The following GYG2 variants were observed in gnomAD, a reference collection of about 807,000 sequenced individuals.
The protein encoded by GYG2 is glycogenin-2.
Under a neutral mutation model 29.4 loss-of-function variants are expected in GYG2, and 29 were observed. The ratio of observed to expected loss-of-function variants is 0.99; its 90% CI spans 0.74 to 1.35. GYG2 has a LOEUF of 1.35. Among genes scored for constraint, GYG2 ranks in the 40% most tolerant of loss-of-function variants. The pLI is 0.00. For synonymous variants in GYG2, 167 were observed against 172.3 expected (o/e 0.97, Z 0.24); for missense variants, 370 against 385.7 (o/e 0.96, Z 0.34).
At chrX:2,847,321 A>G (rs62582316) in intron 3 of GYG2, among the ~76,000 whole-genome samples, 22,060 of 109,854 alleles carry the variant, frequency 0.2, 1,840 homozygotes, top group African/African-American at 0.31. Context: ...ACCTATTAAT[A>G]TCATTCAACA....
At chrX:2,866,497 T>C (rs756366451) in intron 8 of GYG2, among the ~76,000 whole-genome samples, 1 of 110,550 alleles carries the variant, frequency 9.0e-6, no homozygotes, top group Admixed American at 9.6e-5. Flanking sequence ...CCTGTCTCAG[T>C]AGAAGAGAGT....
At chrX:2,839,089 C>T (rs2087441842) in intron 2 of GYG2, among the ~76,000 whole-genome samples, 1 of 112,474 alleles carries the variant, frequency 8.9e-6, no homozygotes, top group Admixed American at 9.5e-5. Flanking sequence ...GCTGTACCCA[C>T]TTGCCGACTC....
At chrX:2,862,241 C>T (rs1031426143) in intron 8 of GYG2, among the ~76,000 whole-genome samples, 8 of 111,076 alleles carry the variant, frequency 7.2e-5, no homozygotes, top group African/African-American at 2.3e-4. Context: ...AATGGATTCT[C>T]CCCTAGGTCC....
At chrX:2,836,673 CAAAAA>C (rs571518086) in intron 2 of GYG2, among the ~76,000 whole-genome samples, 4 of 47,873 alleles carry the variant, frequency 8.4e-5, no homozygotes, top group Admixed American at 2.7e-4. Context: ...AAGACCCTGT[CAAAAA>C]AAAAAAAAAA....
intron 2 of GYG2, among the ~76,000 whole-genome samples, chrX:2,841,337 T>C: frequency 9.3e-6 from 1 of 107,690 alleles, no homozygotes; most frequent in Non-Finnish European, 1.9e-5. Context: ...GATAGATAGG[T>C]AGATGGATAA....
At chrX:2,870,323 T>C (rs910714602) in intron 8 of GYG2, among the ~76,000 whole-genome samples, 20 of 110,696 alleles carry the variant, frequency 1.8e-4, no homozygotes, top group Non-Finnish European at 3.4e-4. Flanking sequence ...TGCCTCAGCC[T>C]CCCAACTAGC....
At chrX:2,864,356 G>A (rs1160308126) in intron 8 of GYG2, among the ~76,000 whole-genome samples, 1 of 106,952 alleles carries the variant, frequency 9.3e-6, no homozygotes, top group Non-Finnish European at 1.9e-5. Flanking sequence ...GGGCTTCCAG[G>A]TCATAAGTAG....
chrX:2,855,231 C>T (rs2087957910), intron 5 of GYG2, 76 bp downstream of exon 5: 7 of 911,417 alleles, frequency 7.7e-6, no homozygotes, highest in Admixed American at 2.5e-5. Context: ...CGAAGTCAGC[C>T]GTTGACCATA....
chrX:2,848,000 T>C (rs112376391), intron 3 of GYG2, among the ~76,000 whole-genome samples: 1 of 111,955 alleles, frequency 8.9e-6, no homozygotes, highest in Admixed American at 9.5e-5. Flanking sequence ...TTTGTTCATC[T>C]GAAAGCTGGA....
chrX:2,841,795 T>C (rs1460865048), intron 2 of GYG2, among the ~76,000 whole-genome samples: 1 of 111,967 alleles, frequency 8.9e-6, no homozygotes, highest in African/African-American at 3.2e-5. Context: ...TTAATTTCCA[T>C]AGACAGTACA....
chrX:2,834,952 T>C (rs9988291), intron 2 of GYG2, among the ~76,000 whole-genome samples: 3,487 of 111,373 alleles, frequency 0.031, 147 homozygotes, highest in African/African-American at 0.11. Flanking sequence ...GTGACACAGC[T>C]TCAGGAGGTC....
intron 4 of GYG2, among the ~76,000 whole-genome samples, 195 bp from the exon 5 acceptor site, chrX:2,854,798 A>G (rs2087942348): frequency 9.0e-6 from 1 of 111,673 alleles, no homozygotes; most frequent in Non-Finnish European, 1.9e-5. Context: ...CAGGCATGGT[A>G]ACAGGTGCCT....
At chrX:2,868,492 C>T (rs956236523) in intron 8 of GYG2, among the ~76,000 whole-genome samples, 2 of 108,402 alleles carry the variant, frequency 1.8e-5, no homozygotes, top group Non-Finnish European at 3.8e-5. Flanking sequence ...TTTTGGAGTT[C>T]CTGTGTCCAC....
intron 3 of GYG2, among the ~76,000 whole-genome samples, chrX:2,852,460 T>C (rs1402494791): frequency 3.6e-5 from 4 of 111,793 alleles, no homozygotes; most frequent in Non-Finnish European, 7.5e-5. Context: ...CAGACTATGA[T>C]GAAGTGGGAT....
chrX:2,872,601 C>T (rs1030163652), intron 8 of GYG2, among the ~76,000 whole-genome samples: 5 of 112,318 alleles, frequency 4.5e-5, no homozygotes, highest in South Asian at 7.4e-4. Flanking sequence ...CATATAACCC[C>T]GAGTTAAATC....
intron 2 of GYG2, among the ~76,000 whole-genome samples, chrX:2,840,290 C>T (rs919676755): frequency 1.2e-4 from 13 of 111,401 alleles, no homozygotes; most frequent in African/African-American, 3.3e-4. Context: ...GTGTGATTTT[C>T]GAGGTCTGTG....
intron 5 of GYG2, among the ~76,000 whole-genome samples, chrX:2,855,564 G>A (rs917269615): frequency 7.1e-5 from 8 of 112,173 alleles, no homozygotes; most frequent in African/African-American, 2.6e-4. Flanking sequence ...TTTGACCGAA[G>A]CACTTTTATG....
intron 8 of GYG2, among the ~76,000 whole-genome samples, chrX:2,871,016 T>TA (rs398121913): frequency 9.1e-6 from 1 of 110,442 alleles, no homozygotes; most frequent in Non-Finnish European, 1.9e-5. Flanking sequence ...TTTTTTTTTT[T>TA]AATTCATGTG....
intron 8 of GYG2, among the ~76,000 whole-genome samples, chrX:2,869,643 T>TTTG (rs985354299): frequency 8.9e-6 from 1 of 111,921 alleles, no homozygotes; most frequent in Non-Finnish European, 1.9e-5. Flanking sequence ...GTGTTTTGGT[T>TTTG]TTGTTGTTGT....
Sources: allele counts gnomAD v4.1 joint callset (sites outside exome capture counted in the v4.1 genomes callset), GRCh38; gene constraint gnomAD v4.1.1; transcripts MANE v1.5; gene names NCBI Gene and HGNC (gene_info 2026-07-23, HGNC 2026-07-21).